Variants in OPCML observed in about 807,000 individuals in gnomAD.
OPCML encodes opioid-binding protein/cell adhesion molecule.
A neutral mutation model predicts 37.8 loss-of-function variants in OPCML; 13 were observed. The observed-to-expected ratio is 0.34, with a 90% CI of 0.22 to 0.55. OPCML has a LOEUF of 0.55. OPCML is among the 20% of genes least tolerant of loss of function. The probability of loss-of-function intolerance (pLI) is 0.91; values close to 1 mark genes in which losing one functional copy is unlikely to be tolerated. For synonymous variants in OPCML, 176 were observed against 168.8 expected (o/e 1.04, Z -0.33); for missense variants, 341 against 435.6 (o/e 0.78, Z 1.93).
intron 3 of OPCML, among the ~76,000 whole-genome samples, chr11:132,622,269 A>T (rs1482546546): frequency 6.6e-6 from 1 of 152,174 alleles, no homozygotes; most frequent in Non-Finnish European, 1.5e-5. Flanking sequence ...AACAATGAAT[A>T]GAGGGGAAAG....
chr11:133,437,536 T>A (rs1946259849), intron 1 of OPCML, among the ~76,000 whole-genome samples: 1 of 152,130 alleles, frequency 6.6e-6, no homozygotes, highest in African/African-American at 2.4e-5. Context: ...GCCAACCGAC[T>A]CTTCCCTTCC....
chr11:133,384,607 C>G (rs183309680), intron 1 of OPCML, among the ~76,000 whole-genome samples: 1 of 152,218 alleles, frequency 6.6e-6, no homozygotes, highest in African/African-American at 2.4e-5. Flanking sequence ...AATCCTAGCT[C>G]TTGTCGCTTG....
chr11:132,637,756 C>T (rs1000695368), intron 3 of OPCML, among the ~76,000 whole-genome samples: 1 of 152,116 alleles, frequency 6.6e-6, no homozygotes, highest in South Asian at 2.1e-4. Flanking sequence ...CCTGGCAGTG[C>T]TCAGGACACA....
chr11:132,553,605 T>C (rs954442438), intron 3 of OPCML, among the ~76,000 whole-genome samples: 3 of 152,198 alleles, frequency 2.0e-5, no homozygotes, highest in African/African-American at 4.8e-5. Flanking sequence ...TGGCTAATTA[T>C]AATCAGGTAT....
At chr11:132,721,729 G>A (rs1236411888) in intron 2 of OPCML, among the ~76,000 whole-genome samples, 1 of 152,070 alleles carries the variant, frequency 6.6e-6, no homozygotes, top group Non-Finnish European at 1.5e-5. Context: ...TGCAGTGGTG[G>A]GGTAGAAACC....
At chr11:132,946,144 A>G (rs938295931) in intron 1 of OPCML, among the ~76,000 whole-genome samples, 2 of 152,178 alleles carry the variant, frequency 1.3e-5, no homozygotes, top group African/African-American at 4.8e-5. Context: ...CTAGGCCTAC[A>G]TGGAGTCAGG....
At chr11:132,563,624 C>T (rs1004954047) in intron 3 of OPCML, among the ~76,000 whole-genome samples, 2 of 152,018 alleles carry the variant, frequency 1.3e-5, no homozygotes, top group Admixed American at 6.6e-5. Flanking sequence ...TTTGCCTCAA[C>T]TATTTTTTTA....
chr11:133,001,322 G>A (rs1424196426), intron 1 of OPCML, among the ~76,000 whole-genome samples: 2 of 152,288 alleles, frequency 1.3e-5, no homozygotes, highest in Admixed American at 6.5e-5. Context: ...ACACACCAAT[G>A]CATGGCCCCT....
At chr11:132,590,802 T>C (rs754738424) in intron 3 of OPCML, among the ~76,000 whole-genome samples, 1 of 152,184 alleles carries the variant, frequency 6.6e-6, no homozygotes, top group Non-Finnish European at 1.5e-5. Context: ...AACATCCCTT[T>C]GTGTACTCTG....
At chr11:133,129,876 C>T (rs1354837334) in intron 1 of OPCML, among the ~76,000 whole-genome samples, 2 of 151,882 alleles carry the variant, frequency 1.3e-5, no homozygotes, top group Non-Finnish European at 2.9e-5. Flanking sequence ...CTATTGCACT[C>T]CAGTCAGAAT....
At position 132,895,517 on chromosome 11, in the gene OPCML, C is replaced by G. The variant is rs548396627; in HGVS notation, c.146+47409G>C. Among the ~76,000 whole-genome samples, 4 of 152,300 alleles carry G rather than the reference C, an allele frequency of 2.6e-5. No homozygotes were observed. In the South Asian group the frequency reaches 8.3e-4, roughly 32 times the overall value. ...TGACTGAATCACAGCAAAAGCTGAA[C>G]TCTCAGCTCCGCAGGCGTCTGTGGT... On this transcript the variant is annotated intron_variant, in intron 2 of 7. Coordinates refer to ENST00000524381, the MANE Select transcript of OPCML (RefSeq NM_001012393.5).
At chr11:133,011,303 T>C (rs1947207430) in intron 1 of OPCML, among the ~76,000 whole-genome samples, 1 of 152,178 alleles carries the variant, frequency 6.6e-6, no homozygotes, top group Non-Finnish European at 1.5e-5. Context: ...GAAGAAATTC[T>C]TAGTCACAGT....
intron 1 of OPCML, among the ~76,000 whole-genome samples, chr11:133,409,837 C>T (rs1945606742): frequency 6.6e-6 from 1 of 152,056 alleles, no homozygotes; most frequent in Non-Finnish European, 1.5e-5. Flanking sequence ...TCTTATGGAT[C>T]CTGCAGTCCA....
intron 1 of OPCML, among the ~76,000 whole-genome samples, chr11:133,327,130 G>C (rs1452402563): frequency 6.9e-6 from 1 of 144,988 alleles, no homozygotes; most frequent in East Asian, 2.1e-4. Context: ...TGGGTGTGTG[G>C]GGAGGGTGAG....
At chr11:132,802,910 G>T (rs1348750730) in intron 2 of OPCML, among the ~76,000 whole-genome samples, 1 of 152,122 alleles carries the variant, frequency 6.6e-6, no homozygotes, top group African/African-American at 2.4e-5. Context: ...AAAATTAAAT[G>T]CTTTTTTCTT....
intron 1 of OPCML, among the ~76,000 whole-genome samples, chr11:133,342,359 A>C (rs554240227): frequency 9.8e-5 from 15 of 152,314 alleles, no homozygotes; most frequent in African/African-American, 3.6e-4. Flanking sequence ...CCCCGCACTC[A>C]TGGTTATGCA....
intron 2 of OPCML, among the ~76,000 whole-genome samples, chr11:132,701,282 G>C (rs2135922491): frequency 6.6e-6 from 1 of 152,202 alleles, no homozygotes; most frequent in Non-Finnish European, 1.5e-5. Flanking sequence ...CACAGTATGG[G>C]GGAAATTGAC....
At chr11:133,095,285 T>G (rs1332302447) in intron 1 of OPCML, among the ~76,000 whole-genome samples, 2 of 143,608 alleles carry the variant, frequency 1.4e-5, no homozygotes, top group African/African-American at 2.6e-5. Flanking sequence ...ATGTTTTTTT[T>G]TTTTTTTTTT....
chr11:133,398,090 C>T (rs1945325269), intron 1 of OPCML, among the ~76,000 whole-genome samples: 1 of 152,228 alleles, frequency 6.6e-6, no homozygotes, highest in African/African-American at 2.4e-5. Context: ...ACCCCATCAG[C>T]TGCCACTGGA....
Sources: allele counts gnomAD v4.1 joint callset (sites outside exome capture counted in the v4.1 genomes callset), GRCh38; gene constraint gnomAD v4.1.1; transcripts MANE v1.5; gene names NCBI Gene and HGNC (gene_info 2026-07-23, HGNC 2026-07-21).